MITF: variants seen among roughly 807,000 people sequenced by gnomAD.
MITF encodes microphthalmia-associated transcription factor.
MITF carries 17 observed loss-of-function variants against 60.5 expected under a neutral mutation model. The ratio of observed to expected loss-of-function variants is 0.28; its 90% confidence interval spans 0.19 to 0.42. MITF has a LOEUF of 0.42. Ranked by LOEUF, MITF falls within the 10% of genes least tolerant of loss-of-function variation. MITF has a pLI of 1.00. For missense variants in MITF, 622 were observed against 683.5 expected, an observed-to-expected ratio of 0.91 and a Z score of 1.00; for synonymous variants, 260 against 248.5, an observed-to-expected ratio of 1.05 and a Z score of -0.43.
At chr3:69,850,329 G>A (rs547066592) in intron 1 of MITF, among the ~76,000 whole-genome samples, 2 of 152,120 alleles carry the variant, frequency 1.3e-5, no homozygotes, top group Admixed American at 6.6e-5. Flanking sequence ...TTTGCAAACC[G>A]TTTGGCAAGT....
chr3:69,941,370 G>A (rs757554402), intron 5 of MITF, 39 bp downstream of exon 5: 3 of 1,307,524 alleles, frequency 2.3e-6, no homozygotes, highest in Non-Finnish European at 3.3e-6. Flanking sequence ...ATCTTGAGGT[G>A]TTTCCAGGGT....
At chr3:69,841,592 G>T (rs1255933667) in intron 1 of MITF, among the ~76,000 whole-genome samples, 1 of 152,206 alleles carries the variant, frequency 6.6e-6, no homozygotes, top group African/African-American at 2.4e-5. Context: ...AGTCCTCTTA[G>T]TGCTTAAGCA....
chr3:69,861,024 T>C (rs907740994), intron 1 of MITF, among the ~76,000 whole-genome samples: 1 of 152,238 alleles, frequency 6.6e-6, no homozygotes, highest in Non-Finnish European at 1.5e-5. Flanking sequence ...TCAGTCATGC[T>C]GTGATGGTTT....
At chr3:69,882,368 A>G (rs945680223) in intron 2 of MITF, among the ~76,000 whole-genome samples, 1 of 152,146 alleles carries the variant, frequency 6.6e-6, no homozygotes, top group Non-Finnish European at 1.5e-5. Context: ...TTTTGGGGAC[A>G]TGGAATCATG....
At chr3:69,821,734 T>C (rs985010420) in intron 1 of MITF, among the ~76,000 whole-genome samples, 2 of 151,818 alleles carry the variant, frequency 1.3e-5, no homozygotes, top group Admixed American at 1.3e-4. Context: ...ATTTTCTTTT[T>C]AATTTTAAAA....
At chr3:69,845,442 C>T (rs13082535) in intron 1 of MITF, among the ~76,000 whole-genome samples, 42,107 of 136,368 alleles carry the variant, frequency 0.31, 7,834 homozygotes, top group Non-Finnish European at 0.42. Context: ...TTTTTTCTTT[C>T]TTTTTTTTTT....
chr3:69,939,164 C>G lies in MITF; in HGVS notation c.649C>G (p.Arg217Gly). ...GTGCCCAGGCATGAACACACATTCACGAGCGTCCTGTATGCAGGTACTGAA... is the reference window on the plus strand; with the variant it reads ...GTGCCCAGGCATGAACACACATTCAGGAGCGTCCTGTATGCAGGTACTGAA... The part of the protein sequence containing the change: ...SECPGMNTHS[R>G]ASCMQMDDVI... The change falls in exon 4 of 10, where the codon CGA becomes GGA. Residue 217 changes from arginine (R) to glycine (G), a missense_variant. Transcript: ENST00000352241. 6.2e-7 allele frequency: 1 copy of G among 1,613,988 alleles called. No individual in the cohort carries two copies. Among genetic ancestry groups the G allele is most frequent in the Non-Finnish European group, 8.5e-7 (1 of 1,179,946 alleles).
intron 1 of MITF, among the ~76,000 whole-genome samples, chr3:69,849,234 G>T (rs1200392807): frequency 2.6e-5 from 4 of 152,032 alleles, no homozygotes; most frequent in African/African-American, 9.7e-5. Context: ...AAAGTGCTGG[G>T]ATTACAGGCG....
intron 1 of MITF, among the ~76,000 whole-genome samples, chr3:69,800,609 G>T (rs1685873273): frequency 6.6e-6 from 1 of 151,774 alleles, no homozygotes; most frequent in Non-Finnish European, 1.5e-5. Flanking sequence ...CCACATCTTT[G>T]CCAACACTTG....
intron 2 of MITF, chr3:69,936,500 C>CA (rs967148160): frequency 2.2e-4 from 236 of 1,055,672 alleles, no homozygotes; most frequent in African/African-American, 8.5e-4. Flanking sequence ...GTAGGGCTTC[C>CA]AAAAAAAAGG....
intron 9 of MITF, 50 bp from the exon 10 acceptor site, chr3:69,964,797 G>C: frequency 1.3e-6 from 2 of 1,589,550 alleles, no homozygotes. Flanking sequence ...AGGCTTAAAA[G>C]TCCTCTGTGC....
Position 69,967,012 on chromosome 3 carries a change from G to A in MITF, c.*1764G>A. The A allele has an allele frequency of 4.3e-6, 1 of 232,220 alleles. No homozygotes were observed. Among genetic ancestry groups the A allele is most frequent in the Non-Finnish European group, 8.5e-6 (1 of 117,132 alleles). 14.4% of individuals were successfully genotyped at this position (232,220 alleles called of 1,614,324 possible). On this transcript the variant is annotated 3_prime_UTR_variant, in exon 10 of 10. Coordinates refer to ENST00000352241, the MANE Select transcript of MITF (RefSeq NM_001354604.2). ...TAATATTAAATATATTTTAGTGACA[G>A]AGTGCCAACTTCTTTCATCAGGAAA...
chr3:69,864,146 C>T (rs1429575596), intron 1 of MITF, among the ~76,000 whole-genome samples: 7 of 152,158 alleles, frequency 4.6e-5, no homozygotes, highest in Non-Finnish European at 1.0e-4. Context: ...TATGGGTAGT[C>T]ACTTATTTCT....
At chr3:69,824,909 C>T (rs9839093) in intron 1 of MITF, among the ~76,000 whole-genome samples, 76,360 of 152,094 alleles carry the variant, frequency 0.5, 20,879 homozygotes, top group Non-Finnish European at 0.63. Context: ...TTCCCTGCCT[C>T]CAGATTTCTG....
chr3:69,857,518 C>T (rs929655891), intron 1 of MITF, among the ~76,000 whole-genome samples: 1 of 151,230 alleles, frequency 6.6e-6, no homozygotes, highest in African/African-American at 2.4e-5. Context: ...GAGACGTGAT[C>T]TCATGGTTTT....
At chr3:69,924,609 C>T (rs1197869721) in intron 2 of MITF, among the ~76,000 whole-genome samples, 2 of 152,238 alleles carry the variant, frequency 1.3e-5, no homozygotes, top group South Asian at 2.1e-4. Context: ...TGACTCGGCT[C>T]ATCCTGTTTC....
chr3:69,962,906 G>C (rs909743927), intron 9 of MITF, among the ~76,000 whole-genome samples: 2 of 152,184 alleles, frequency 1.3e-5, no homozygotes, highest in South Asian at 2.1e-4. Flanking sequence ...GAGGCTAGTT[G>C]TTGTCCAAGA....
At chr3:69,755,006 C>T (rs897535452) in intron 1 of MITF, among the ~76,000 whole-genome samples, 1 of 152,030 alleles carries the variant, frequency 6.6e-6, no homozygotes, top group Non-Finnish European at 1.5e-5. Context: ...GTTAGGTAAT[C>T]AGCATTAGGA....
At chr3:69,748,259 G>A (rs2106759904) in intron 1 of MITF, among the ~76,000 whole-genome samples, 1 of 152,160 alleles carries the variant, frequency 6.6e-6, no homozygotes, top group South Asian at 2.1e-4. Context: ...TTTTTCTTTT[G>A]AGGTGGAGAC....
Sources: allele counts gnomAD v4.1 joint callset (sites outside exome capture counted in the v4.1 genomes callset), GRCh38; gene constraint gnomAD v4.1.1; transcripts MANE v1.5; gene names NCBI Gene and HGNC (gene_info 2026-07-23, HGNC 2026-07-21).